Variants in GFRA3 observed in about 807,000 individuals in gnomAD.
GFRA3 encodes GDNF family receptor alpha-3.
In GFRA3, 24 loss-of-function variants were observed where a neutral mutation model predicts 40.0. That is an observed-to-expected ratio of 0.60 (90% confidence interval 0.43 to 0.84). The LOEUF (loss-of-function observed/expected upper bound fraction) is 0.84, where lower values mean the gene tolerates loss of function less well. Among genes scored for constraint, GFRA3 ranks in the 40% least tolerant of loss-of-function variants. The pLI, the probability that GFRA3 is intolerant of heterozygous loss-of-function variation, is 0.00. For missense variants in GFRA3, 405 were observed against 530.6 expected, an observed-to-expected ratio of 0.76 and a Z score of 2.33; for synonymous variants, 203 against 213.5, an observed-to-expected ratio of 0.95 and a Z score of 0.43.
Position 138,264,498 on chromosome 5 carries a change from T to A in GFRA3, c.142A>T (p.Arg48Trp). The change falls in exon 2 of 8, where the codon AGG becomes TGG. Residue 48 changes from arginine to tryptophan, a missense_variant. Transcript: ENST00000274721. The stretch of plus-strand genomic sequence containing the variant: ...GTGGGATCAGCCTGGCACTTCCTCC[T>A]GGCCTGGAGACAGCTGTTCATGAGT... The part of the protein sequence containing the change: ...SRLMNSCLQA[R>W]RKCQADPTCS... 6.2e-7 allele frequency: 1 copy of A among 1,613,040 alleles called. No individual in the cohort carries two copies. The highest frequency in any genetic ancestry group is 8.5e-7 in the Non-Finnish European group (1 of 1,179,296).
At chr5:138,272,442 C>G (rs886933913) in intron 1 of GFRA3, among the ~76,000 whole-genome samples, 5 of 146,494 alleles carry the variant, frequency 3.4e-5, no homozygotes, top group African/African-American at 1.3e-4. Context: ...GATTCAAGAT[C>G]AGCCTGGGCA....
intron 1 of GFRA3, among the ~76,000 whole-genome samples, chr5:138,271,998 A>ATTTTCT (rs1184108805): frequency 1.1e-5 from 1 of 87,154 alleles, no homozygotes; most frequent in Admixed American, 1.3e-4. Context: ...CGTTCACAGT[A>ATTTTCT]TTTTCTTTTT....
chr5:138,272,364 G>A (rs940404976), intron 1 of GFRA3, among the ~76,000 whole-genome samples: 13 of 150,412 alleles, frequency 8.6e-5, no homozygotes, highest in African/African-American at 3.2e-4. Context: ...TTTAGGCCGG[G>A]TGCGGTGGCG....
intron 1 of GFRA3, among the ~76,000 whole-genome samples, chr5:138,266,781 A>G (rs2126618267): frequency 6.6e-6 from 1 of 151,958 alleles, no homozygotes; most frequent in Non-Finnish European, 1.5e-5. Flanking sequence ...TCCTGGGCTC[A>G]AGCGATTCTC....
chr5:138,272,886 T>C (rs1373423856), intron 1 of GFRA3, among the ~76,000 whole-genome samples: 1 of 152,218 alleles, frequency 6.6e-6, no homozygotes, highest in Non-Finnish European at 1.5e-5. Context: ...CTTTGTTTTC[T>C]GCTTCTTGGC....
intron 1 of GFRA3, among the ~76,000 whole-genome samples, chr5:138,265,483 G>T (rs1755770396): frequency 6.6e-6 from 1 of 152,112 alleles, no homozygotes; most frequent in Admixed American, 6.6e-5. Context: ...CTCCCAAAGT[G>T]CTGGGATTAC....
chr5:138,266,675 T>G (rs1187541498), intron 1 of GFRA3, among the ~76,000 whole-genome samples: 3 of 76,242 alleles, frequency 3.9e-5, no homozygotes, highest in African/African-American at 9.9e-5. Flanking sequence ...TTTCTTTCTT[T>G]CTTTTCTTTT....
At chr5:138,260,367 G>A (rs1292309576) in intron 2 of GFRA3, among the ~76,000 whole-genome samples, 1 of 152,228 alleles carries the variant, frequency 6.6e-6, no homozygotes, top group Non-Finnish European at 1.5e-5. Flanking sequence ...ACTCATAGAA[G>A]CCTCCAGCAG....
chr5:138,256,690 T>G, intron 4 of GFRA3, among the ~76,000 whole-genome samples: 1 of 152,160 alleles, frequency 6.6e-6, no homozygotes, highest in East Asian at 1.9e-4. Context: ...GGCTCACACC[T>G]GTAATCCTAG....
At position 138,268,924 on chromosome 5, in the gene GFRA3, C is replaced by CAA. The variant is rs70979600; in HGVS notation, c.92-4378_92-4377dup. On this transcript the variant is annotated intron_variant, in intron 1 of 7. Transcript: ENST00000274721. The stretch of plus-strand genomic sequence containing the variant: ...TGGGTGACAGAGCAAGACTCCATCT[C>CAA]AAAAAAAAAAAAAAAGAAAAAGAAA... 7.9e-4 allele frequency among the ~76,000 whole-genome samples: 73 copies of CAA among 92,302 alleles called. 2 individuals carry two copies. The highest frequency in any genetic ancestry group is 3.9e-3 in the Admixed American group (35 of 8,956). 60.6% of individuals were successfully genotyped at this position (92,302 alleles called of 152,430 possible). A position where few individuals can be genotyped will look rare whatever the true frequency, so the allele number is the denominator to read the frequency against.
chr5:138,253,817 G>T lies in GFRA3; in HGVS notation c.973C>A (p.Gln325Lys). The change falls in exon 6 of 8, where the codon CAG becomes AAG. Residue 325 changes from glutamine to lysine, a missense_variant. Coordinates refer to ENST00000274721, the MANE Select transcript of GFRA3 (RefSeq NM_001496.4). ...CCTTCCAGCATTTCACACTCCTCCT[G>T]CAGGTTGCCACTGCCTCGGCAGGTG... is the stretch of plus-strand genomic sequence containing the variant. ...SCTCRGSGNLQEECEMLEGFF... is the reference protein window; with the variant it reads ...SCTCRGSGNLKEECEMLEGFF... The T allele has an allele frequency of 6.2e-7, 1 of 1,613,924 alleles. No individual in the cohort carries two copies. Among genetic ancestry groups the T allele is most frequent in the Non-Finnish European group, 8.5e-7 (1 of 1,179,832 alleles).
chr5:138,259,173 C>T (rs1053265115), intron 3 of GFRA3, among the ~76,000 whole-genome samples: 6 of 152,218 alleles, frequency 3.9e-5, no homozygotes, highest in African/African-American at 1.4e-4. Flanking sequence ...TGGTTGAAAA[C>T]AAGCAATTTC....
intron 4 of GFRA3, among the ~76,000 whole-genome samples, chr5:138,256,946 CAA>C (rs11439851): frequency 2.3e-5 from 3 of 132,914 alleles, no homozygotes; most frequent in Non-Finnish European, 3.2e-5. Context: ...GACTCTGTCT[CAA>C]AAAAAAAAAA....
chr5:138,268,284 GA>G lies in GFRA3; in HGVS notation c.92-3737del, dbSNP rs60958894. Among the ~76,000 whole-genome samples, 24 of 33,150 alleles carry G rather than the reference GA, an allele frequency of 7.2e-4. 1 individual carries two copies. Among genetic ancestry groups the G allele is most frequent in the Non-Finnish European group, 8.2e-4 (16 of 19,414 alleles). The allele number at this position is 33,150 out of a possible 152,430, so 21.7% of individuals were successfully genotyped here. On this transcript the variant is annotated intron_variant, in intron 1 of 7. Transcript: ENST00000274721. ...TGGGCAGCAGGGTGAGACTCCATCT[GA>G]AAAAAAAAAAAAAAAAGAAATCTAA...
Position 138,257,959 on chromosome 5 carries a change from G to A in GFRA3, c.473-8C>T, listed in dbSNP as rs1433130827. 6.2e-6 allele frequency: 10 copies of A among 1,612,956 alleles called. No homozygotes were observed. The South Asian group carries it at 1.1e-4, about 18-fold the overall frequency. On this transcript the variant is annotated splice_polypyrimidine_tract_variant and splice_region_variant and intron_variant, in intron 3 of 7. Transcript: ENST00000274721. ...TGAGGCAGAGGTCTGAGTCTGGGGG[G>A]AAAGGGCACGGAGTCAGTCGGCTGG...
chr5:138,257,966 C>T lies in GFRA3; in HGVS notation c.473-15G>A. ...GAGGTCTGAGTCTGGGGGGAAAGGG[C>T]ACGGAGTCAGTCGGCTGGGCCCTCT... is the stretch of plus-strand genomic sequence containing the variant. On this transcript the variant is annotated splice_polypyrimidine_tract_variant and intron_variant, in intron 3 of 7. Coordinates refer to ENST00000274721, the MANE Select transcript of GFRA3 (RefSeq NM_001496.4). 3 of 1,612,034 alleles carry T rather than the reference C, an allele frequency of 1.9e-6. No individual in the cohort carries two copies. The highest frequency in any genetic ancestry group is 2.5e-6 in the Non-Finnish European group (3 of 1,178,206).
In GFRA3 at chr5:138,253,008, G is replaced by A. The variant is rs758113508; in HGVS notation, c.1163C>T (p.Ser388Phe). Reference protein sequence around the residue: ...RPQPWVPSLFSCTLPLILLLS... With the variant: ...RPQPWVPSLFFCTLPLILLLS... ...GAGCAGAATCAAGGGAAGCGTGCAGGAGAAAAGAGAGGGCACCCAGGGCTG... is the reference window on the plus strand; with the variant it reads ...GAGCAGAATCAAGGGAAGCGTGCAGAAGAAAAGAGAGGGCACCCAGGGCTG... Residue 388 changes from serine to phenylalanine, a missense_variant, in exon 8 of 8, where the codon TCC becomes TTC. Coordinates refer to ENST00000274721, the MANE Select transcript of GFRA3 (RefSeq NM_001496.4). 1.2e-6 allele frequency: 2 copies of A among 1,610,042 alleles called. No homozygotes were observed. Among genetic ancestry groups the A allele is most frequent in the Non-Finnish European group, 1.7e-6 (2 of 1,176,522 alleles).
chr5:138,268,742 T>C (rs1330743717), intron 1 of GFRA3, among the ~76,000 whole-genome samples: 1 of 151,446 alleles, frequency 6.6e-6, no homozygotes, highest in Non-Finnish European at 1.5e-5. Context: ...TACAGAAAAT[T>C]AGCCAGGTGT....
At chr5:138,273,592 A>C (rs1485207717) in intron 1 of GFRA3, among the ~76,000 whole-genome samples, 1 of 152,140 alleles carries the variant, frequency 6.6e-6, no homozygotes, top group Non-Finnish European at 1.5e-5. Context: ...GTCTCAGGGC[A>C]GTGTGGTGGT....
Sources: allele counts gnomAD v4.1 joint callset (sites outside exome capture counted in the v4.1 genomes callset), GRCh38; gene constraint gnomAD v4.1.1; transcripts MANE v1.5; gene names NCBI Gene and HGNC (gene_info 2026-07-23, HGNC 2026-07-21).